Variants in PTPRE observed in about 807,000 individuals in gnomAD.
The protein encoded by PTPRE is receptor-type tyrosine-protein phosphatase epsilon.
A neutral mutation model predicts 102.0 loss-of-function variants in PTPRE; 51 were observed. The observed-to-expected ratio is 0.50, with a 90% confidence interval of 0.40 to 0.63. PTPRE has a LOEUF of 0.63. PTPRE is among the 30% of genes least tolerant of loss of function. The pLI, the probability that PTPRE is intolerant of heterozygous loss-of-function variation, is 0.00. For missense variants in PTPRE, 752 were observed against 915.1 expected (o/e 0.82, Z 2.30); for synonymous variants, 345 against 348.2 (o/e 0.99, Z 0.10).
At chr10:128,077,549 G>T in intron 18 of PTPRE, 68 bp from the exon 19 acceptor site, 4 of 1,532,580 alleles carry the variant, frequency 2.6e-6, no homozygotes, top group East Asian at 2.3e-5. Flanking sequence ...ATCCCTGAGA[G>T]GGCAGATGGG....
At chr10:128,048,120 T>C (rs765273379) in intron 5 of PTPRE, among the ~76,000 whole-genome samples, 9 of 152,056 alleles carry the variant, frequency 5.9e-5, no homozygotes, top group Non-Finnish European at 1.0e-4. Context: ...GGTGTTGACA[T>C]GTAACACTTT....
chr10:128,011,357 G>A (rs1844991342), intron 2 of PTPRE, among the ~76,000 whole-genome samples: 1 of 152,230 alleles, frequency 6.6e-6, no homozygotes, highest in Non-Finnish European at 1.5e-5. Context: ...TTGGGCATTG[G>A]TGAAGTGGTT....
intron 2 of PTPRE, among the ~76,000 whole-genome samples, chr10:128,029,531 C>T (rs146230925): frequency 4.6e-5 from 7 of 152,272 alleles, no homozygotes; most frequent in East Asian, 3.9e-4. Context: ...GTGGGAGAAC[C>T]GAGTCAGGAT....
chr10:128,019,474 G>A (rs564921929), intron 2 of PTPRE, among the ~76,000 whole-genome samples: 5 of 152,346 alleles, frequency 3.3e-5, no homozygotes, highest in African/African-American at 1.2e-4. Context: ...AGTCAGGACC[G>A]GACATGGCTC....
intron 11 of PTPRE, among the ~76,000 whole-genome samples, chr10:128,067,203 C>T (rs900980234): frequency 6.6e-6 from 1 of 151,734 alleles, no homozygotes; most frequent in Non-Finnish European, 1.5e-5. Context: ...CACACACATA[C>T]ACCCACACAC....
At chr10:128,044,602 G>A (rs991666522) in intron 3 of PTPRE, among the ~76,000 whole-genome samples, 1 of 152,140 alleles carries the variant, frequency 6.6e-6, no homozygotes, top group African/African-American at 2.4e-5. Context: ...GTATAAAATT[G>A]GTGTGAACAT....
intron 1 of PTPRE, among the ~76,000 whole-genome samples, chr10:127,913,920 C>A (rs117039173): frequency 6.6e-6 from 1 of 152,116 alleles, no homozygotes. Context: ...GCTTTTTATT[C>A]TGTTGTTGGA....
At chr10:127,999,922 C>T (rs967892809) in intron 2 of PTPRE, 1 of 985,418 alleles carries the variant, frequency 1.0e-6, no homozygotes, top group Non-Finnish European at 1.2e-6. Context: ...TGGGTCTGAA[C>T]GAATTGATCA....
chr10:128,044,289 C>T (rs1484650850), intron 3 of PTPRE, among the ~76,000 whole-genome samples: 1 of 152,036 alleles, frequency 6.6e-6, no homozygotes, highest in Non-Finnish European at 1.5e-5. Flanking sequence ...CTCTAGGGCC[C>T]CTGGGGAAGG....
intron 15 of PTPRE, chr10:128,071,116 GTC>G (rs1850732185): frequency 1.8e-6 from 1 of 565,630 alleles, no homozygotes; most frequent in Admixed American, 3.3e-5. Context: ...TCCTGCATGG[GTC>G]TCAGGCAAGC....
intron 1 of PTPRE, among the ~76,000 whole-genome samples, chr10:127,911,399 G>A (rs1396082441): frequency 3.3e-5 from 5 of 152,180 alleles, no homozygotes; most frequent in East Asian, 3.9e-4. Flanking sequence ...AATTAAACCA[G>A]GCTGGGTGTG....
intron 1 of PTPRE, among the ~76,000 whole-genome samples, chr10:127,953,969 G>T (rs1317500646): frequency 6.6e-6 from 1 of 152,162 alleles, no homozygotes; most frequent in East Asian, 1.9e-4. Flanking sequence ...TTAGAAAATT[G>T]GTGACAAAGA....
chr10:128,046,849 T>C (rs1848131638), intron 3 of PTPRE, among the ~76,000 whole-genome samples: 2 of 152,102 alleles, frequency 1.3e-5, no homozygotes, highest in South Asian at 4.1e-4. Context: ...AGGCCGGTGG[T>C]GGCTGGGCAC....
chr10:127,995,310 C>T (rs545771295), intron 2 of PTPRE, among the ~76,000 whole-genome samples: 1 of 152,208 alleles, frequency 6.6e-6, no homozygotes, highest in Non-Finnish European at 1.5e-5. Context: ...GATAAACCGA[C>T]CCACCTGGTT....
intron 1 of PTPRE, among the ~76,000 whole-genome samples, chr10:127,910,234 G>A (rs1346755973): frequency 1.3e-5 from 2 of 152,060 alleles, no homozygotes; most frequent in African/African-American, 4.8e-5. Context: ...CAATGGCTTT[G>A]TCTTCCATAA....
chr10:128,066,915 C>T (rs1850152200), intron 11 of PTPRE, among the ~76,000 whole-genome samples: 1 of 151,714 alleles, frequency 6.6e-6, no homozygotes, highest in African/African-American at 2.4e-5. Flanking sequence ...CACATACTCC[C>T]ACACACAGGC....
At chr10:127,975,463 A>G (rs1478599121) in intron 1 of PTPRE, among the ~76,000 whole-genome samples, 2 of 152,170 alleles carry the variant, frequency 1.3e-5, no homozygotes, top group African/African-American at 4.8e-5. Flanking sequence ...CTTAGTGAAT[A>G]TTGCTTTGCC....
chr10:128,069,855 T>C, intron 13 of PTPRE, 28 bp downstream of exon 13: 1 of 1,614,166 alleles, frequency 6.2e-7, no homozygotes, highest in Non-Finnish European at 8.5e-7. Flanking sequence ...CTTGCCCTGA[T>C]CTAGCTTCCC....
At position 128,084,933 on chromosome 10, in the gene PTPRE, T is replaced by A; in HGVS notation, c.*2027T>A. On this transcript the variant is annotated 3_prime_UTR_variant, in exon 21 of 21. Transcript: ENST00000254667. ...AATGGTCTAACTGGCATCTCTTGTA[T>A]CAAGAAGTACCTTTAAGGTAGACCT... is the stretch of plus-strand genomic sequence containing the variant. The A allele has an allele frequency of 3.5e-6, 1 of 287,596 alleles. No homozygotes were observed. The highest frequency in any genetic ancestry group is 7.2e-6 in the Non-Finnish European group (1 of 138,328). 17.8% of individuals were successfully genotyped at this position (287,596 alleles called of 1,614,324 possible). A position where few individuals can be genotyped will look rare whatever the true frequency, so the allele number is the denominator to read the frequency against.
Sources: gnomAD v4.1 joint callset for allele counts (sites outside exome capture counted in the v4.1 genomes callset) on GRCh38, gnomAD v4.1.1 for gene constraint, MANE v1.5 for transcripts, NCBI Gene and HGNC (gene_info 2026-07-23, HGNC 2026-07-21) for gene names.